Variants in DECR1 observed in about 807,000 individuals in gnomAD.
The protein encoded by DECR1 is 2,4-dienoyl-CoA reductase 1.
Under a neutral mutation model 38.8 loss-of-function variants are expected in DECR1, and 44 were observed. The ratio of observed to expected loss-of-function variants is 1.13; its 90% CI spans 0.89 to 1.46. DECR1 has a LOEUF of 1.46. Among genes scored for constraint, DECR1 ranks in the 40% most tolerant of loss-of-function variants. The pLI is 0.00. For missense variants in DECR1, 428 were observed against 405.5 expected (o/e 1.06, Z -0.48); for synonymous variants, 148 against 135.2 (o/e 1.09, Z -0.66).
intron 2 of DECR1, chr8:90,018,672 G>A (rs1813069229): frequency 2.5e-6 from 1 of 395,662 alleles, no homozygotes; most frequent in Non-Finnish European, 4.6e-6. Context: ...ATTTAAATCT[G>A]TGAGTAGATA....
chr8:90,024,811 T>C (rs1202313170), intron 5 of DECR1, among the ~76,000 whole-genome samples: 1 of 152,226 alleles, frequency 6.6e-6, no homozygotes, highest in East Asian at 1.9e-4. Context: ...ATGTCCTGAA[T>C]GGTAATGCCT....
chr8:90,006,590 G>A (rs1812746475), intron 1 of DECR1, among the ~76,000 whole-genome samples: 1 of 152,186 alleles, frequency 6.6e-6, no homozygotes, highest in East Asian at 1.9e-4. Context: ...ACGAGGGCAT[G>A]CATTGGGTTT....
chr8:90,031,351 C>T (rs1040055199), intron 5 of DECR1, among the ~76,000 whole-genome samples: 1 of 151,846 alleles, frequency 6.6e-6, no homozygotes, highest in African/African-American at 2.4e-5. Flanking sequence ...GTATTTTTAC[C>T]ACGTCTTTTA....
intron 5 of DECR1, among the ~76,000 whole-genome samples, chr8:90,032,721 A>C (rs1813528170): frequency 6.6e-6 from 1 of 152,146 alleles, no homozygotes; most frequent in African/African-American, 2.4e-5. Flanking sequence ...TGGCACCCTT[A>C]TGCACTGCTC....
At position 90,042,329 on chromosome 8, in the gene DECR1, G is replaced by T. The variant is rs182628124; in HGVS notation, c.666-399G>T. 1.2e-4 allele frequency: 21 copies of T among 168,930 alleles called. No individual in the cohort carries two copies. The East Asian group carries it at 3.3e-3, about 26-fold the overall frequency. The allele number at this position is 168,930 out of a possible 1,614,324, so 10.5% of individuals were successfully genotyped here. A position where few individuals can be genotyped will look rare whatever the true frequency, so the allele number is the denominator to read the frequency against. Reference sequence around the variant, plus strand: ...TCCAGAAAATGTGAGGGAAGGGCATGAAGCACTCACGTTTTTATGTGAATA... The same window carrying T: ...TCCAGAAAATGTGAGGGAAGGGCATTAAGCACTCACGTTTTTATGTGAATA... On this transcript the variant is annotated intron_variant, in intron 6 of 9. Transcript: ENST00000220764.
At chr8:90,020,055 A>G (rs2130057996) in intron 4 of DECR1, among the ~76,000 whole-genome samples, 1 of 152,344 alleles carries the variant, frequency 6.6e-6, no homozygotes, top group East Asian at 1.9e-4. Flanking sequence ...TAAGAAATTC[A>G]AAATTTCTCC....
At chr8:90,029,656 C>A (rs749235796) in intron 5 of DECR1, among the ~76,000 whole-genome samples, 5 of 152,332 alleles carry the variant, frequency 3.3e-5, no homozygotes, top group Non-Finnish European at 4.4e-5. Context: ...TCAGAAAACA[C>A]AAGATTTTTT....
intron 2 of DECR1, chr8:90,018,672 G>C: frequency 2.5e-6 from 1 of 395,780 alleles, no homozygotes; most frequent in South Asian, 3.5e-5. Flanking sequence ...ATTTAAATCT[G>C]TGAGTAGATA....
intron 5 of DECR1, among the ~76,000 whole-genome samples, chr8:90,026,044 G>C (rs777501195): frequency 6.6e-6 from 1 of 152,160 alleles, no homozygotes; most frequent in Non-Finnish European, 1.5e-5. Context: ...GCATAATGTT[G>C]AACCAGCCTT....
intron 5 of DECR1, among the ~76,000 whole-genome samples, chr8:90,032,847 A>G (rs1813532038): frequency 6.6e-6 from 1 of 152,150 alleles, no homozygotes; most frequent in African/African-American, 2.4e-5. Context: ...GATGTTTCCT[A>G]ACGCAACTTG....
chr8:90,012,879 T>C (rs1805862), intron 1 of DECR1, among the ~76,000 whole-genome samples: 6,886 of 152,246 alleles, frequency 0.045, 294 homozygotes, highest in East Asian at 0.19. Context: ...CCAATTCTGC[T>C]GGGTTGAGAA....
intron 4 of DECR1, among the ~76,000 whole-genome samples, chr8:90,020,420 C>T (rs1813123809): frequency 1.3e-5 from 2 of 152,124 alleles, no homozygotes; most frequent in African/African-American, 4.8e-5. Flanking sequence ...CAGAGTCTTG[C>T]TCTGTCACTC....
At chr8:90,027,207 G>A (rs994052506) in intron 5 of DECR1, among the ~76,000 whole-genome samples, 5 of 152,152 alleles carry the variant, frequency 3.3e-5, no homozygotes, top group African/African-American at 1.2e-4. Context: ...TGTTGATTTG[G>A]GGTGGAGAGT....
chr8:90,032,086 G>A lies in DECR1; in HGVS notation c.566-4755G>A, dbSNP rs533550188. On this transcript the variant is annotated intron_variant, in intron 5 of 9. Transcript: ENST00000220764. Reference sequence around the variant, plus strand: ...ACAGAGTTGCTTGGCTGGTTTCTCTGCTTCAGATCTTATAGGCTAATATCA... The same window carrying A: ...ACAGAGTTGCTTGGCTGGTTTCTCTACTTCAGATCTTATAGGCTAATATCA... Among the ~76,000 whole-genome samples the A allele has an allele frequency of 4.5e-4, 69 of 151,968 alleles. 1 individual carries two copies. In the Middle Eastern group the frequency reaches 0.027, roughly 60 times the overall value.
intron 1 of DECR1, among the ~76,000 whole-genome samples, chr8:90,014,138 G>T (rs1036377960): frequency 6.6e-6 from 1 of 152,086 alleles, no homozygotes; most frequent in Non-Finnish European, 1.5e-5. Context: ...ATCTTGATAC[G>T]AAAGGTGTTA....
intron 4 of DECR1, 97 bp from the exon 5 acceptor site, chr8:90,020,812 G>T (rs1027660114): frequency 4.2e-6 from 4 of 962,348 alleles, no homozygotes; most frequent in South Asian, 2.4e-5. Context: ...CAACTTTATT[G>T]TATTATTTCT....
chr8:90,005,687 A>T, intron 1 of DECR1: 1 of 341,672 alleles, frequency 2.9e-6, no homozygotes, highest in South Asian at 2.3e-5. Context: ...GCACAGACAG[A>T]TTGTACCTCA....
intron 8 of DECR1, among the ~76,000 whole-genome samples, chr8:90,051,034 G>A (rs772074568): frequency 2.5e-4 from 38 of 152,242 alleles, no homozygotes; most frequent in Non-Finnish European, 4.6e-4. Context: ...TGGGGTGGGA[G>A]GAGCGGGGAG....
chr8:90,023,861 TCCTCTC>T (rs1469232889), intron 5 of DECR1, among the ~76,000 whole-genome samples: 1 of 152,106 alleles, frequency 6.6e-6, no homozygotes, highest in Admixed American at 6.6e-5. Context: ...ATGCTATCCC[TCCTCTC>T]TCCCCCAACC....
Sources: allele counts gnomAD v4.1 joint callset (sites outside exome capture counted in the v4.1 genomes callset), GRCh38; gene constraint gnomAD v4.1.1; transcripts MANE v1.5; gene names NCBI Gene and HGNC (gene_info 2026-07-23, HGNC 2026-07-21).